USH1C: variants seen among roughly 807,000 people sequenced by gnomAD.
The protein encoded by USH1C is harmonin.
USH1C carries 90 observed loss-of-function variants against 119.3 expected under a neutral mutation model. The ratio of observed to expected loss-of-function variants is 0.75; its 90% CI spans 0.64 to 0.90. The LOEUF (loss-of-function observed/expected upper bound fraction) is 0.90. Among genes scored for constraint, USH1C ranks in the 40% least tolerant of loss-of-function variants. The probability of loss-of-function intolerance (pLI) is 0.00; values close to 1 mark genes in which losing one functional copy is unlikely to be tolerated. For synonymous variants in USH1C, 465 were observed against 443.3 expected (o/e 1.05, Z -0.62); for missense variants, 1,165 against 1,167.7 (o/e 1.00, Z 0.03).
Position 17,544,390 on chromosome 11 carries a change from G to C in USH1C, c.-83C>G. On this transcript the variant is annotated 5_prime_UTR_variant, in exon 1 of 27. Transcript: ENST00000005226. ...CCAGGAGCTGGAAAGAGCCGCGACC[G>C]CGACCGGGCCAGCCGCCCTCGGAGC... is the stretch of plus-strand genomic sequence containing the variant. The C allele has an allele frequency of 1.3e-6, 2 of 1,597,552 alleles. No individual in the cohort carries two copies. Among genetic ancestry groups the C allele is most frequent in the Admixed American group, 1.7e-5 (1 of 59,352 alleles).
intron 4 of USH1C, among the ~76,000 whole-genome samples, chr11:17,528,542 C>A (rs532335736): frequency 1.3e-5 from 2 of 152,182 alleles, no homozygotes; most frequent in African/African-American, 2.4e-5. Context: ...GGGCTTAACT[C>A]GAAACACACG....
intron 1 of USH1C, among the ~76,000 whole-genome samples, chr11:17,543,191 G>C (rs1851544050): frequency 6.6e-6 from 1 of 152,258 alleles, no homozygotes; most frequent in African/African-American, 2.4e-5. Flanking sequence ...ACACTGGCTA[G>C]CTCCTTGGGC....
chr11:17,511,318 C>T (rs555370195), intron 16 of USH1C, among the ~76,000 whole-genome samples: 1 of 140,096 alleles, frequency 7.1e-6, no homozygotes, highest in South Asian at 2.4e-4. Flanking sequence ...CCCATATTCT[C>T]AGAGCCAAGC....
intron 17 of USH1C, among the ~76,000 whole-genome samples, 174 bp downstream of exon 17, chr11:17,510,231 G>A (rs971272395): frequency 1.1e-4 from 17 of 152,144 alleles, no homozygotes; most frequent in African/African-American, 3.6e-4. Flanking sequence ...CAGAAATACA[G>A]ACATATCCCT....
At chr11:17,520,686 G>A (rs544505946) in intron 14 of USH1C, among the ~76,000 whole-genome samples, 184 bp downstream of exon 14, 33 of 152,318 alleles carry the variant, frequency 2.2e-4, no homozygotes, top group African/African-American at 7.9e-4. Context: ...AACAAGGGGA[G>A]CAGACAGATC....
chr11:17,495,271 C>A (rs1849205225), intron 26 of USH1C, among the ~76,000 whole-genome samples: 1 of 152,218 alleles, frequency 6.6e-6, no homozygotes, highest in Non-Finnish European at 1.5e-5. Context: ...AGGGCTTCAT[C>A]CTGCTCATTT....
chr11:17,534,933 TG>T (rs1380048730), intron 1 of USH1C, among the ~76,000 whole-genome samples: 1 of 146,776 alleles, frequency 6.8e-6, no homozygotes, highest in Middle Eastern at 3.4e-3. Flanking sequence ...TCTGCTTGAG[TG>T]GGTGGTACTA....
chr11:17,504,632 T>C lies in USH1C; in HGVS notation c.2184+15A>G, dbSNP rs1418272767. Reference sequence around the variant, plus strand: ...GGTGGGGAGACCTCCAGACACACAATGGGTATCAGTTTACTTGTCTGAATG... The same window carrying C: ...GGTGGGGAGACCTCCAGACACACAACGGGTATCAGTTTACTTGTCTGAATG... On this transcript the variant is annotated intron_variant, in intron 20 of 26. Transcript: ENST00000005226. 4 of 1,613,758 alleles carry C rather than the reference T, an allele frequency of 2.5e-6. No individual in the cohort carries two copies. Among genetic ancestry groups the C allele is most frequent in the Non-Finnish European group, 8.5e-7 (1 of 1,179,834 alleles).
chr11:17,495,764 T>C, intron 25 of USH1C, 87 bp from the exon 26 acceptor site: 1 of 1,430,416 alleles, frequency 7.0e-7, no homozygotes, highest in Non-Finnish European at 9.8e-7. Context: ...TTCACTGGGC[T>C]CCTGCCTCGG....
At chr11:17,508,256 C>T (rs753264206) in intron 18 of USH1C, among the ~76,000 whole-genome samples, 4 of 152,240 alleles carry the variant, frequency 2.6e-5, no homozygotes, top group Admixed American at 6.5e-5. Flanking sequence ...GCAGGGCTCA[C>T]GACCCCAACC....
At chr11:17,523,721 A>G (rs76681952) in intron 9 of USH1C, among the ~76,000 whole-genome samples, 57 of 152,314 alleles carry the variant, frequency 3.7e-4, no homozygotes, top group African/African-American at 1.0e-3. Flanking sequence ...ATACCATTAC[A>G]TGTTCATTTC....
At chr11:17,521,734 C>A (rs1432095996) in intron 12 of USH1C, among the ~76,000 whole-genome samples, 1 of 152,210 alleles carries the variant, frequency 6.6e-6, no homozygotes, top group Non-Finnish European at 1.5e-5. Context: ...GGACTGACCC[C>A]AGGAGCAAAG....
intron 4 of USH1C, among the ~76,000 whole-genome samples, chr11:17,527,841 T>A (rs920871364): frequency 6.6e-6 from 1 of 152,106 alleles, no homozygotes; most frequent in African/African-American, 2.4e-5. Context: ...CAAGCTCACA[T>A]CACCAACACA....
chr11:17,530,212 G>A (rs1850896519), intron 4 of USH1C, among the ~76,000 whole-genome samples: 1 of 152,180 alleles, frequency 6.6e-6, no homozygotes, highest in African/African-American at 2.4e-5. Flanking sequence ...GAAGCTCTTG[G>A]TGATGGTGGG....
In USH1C at chr11:17,535,638, C is replaced by A. The variant is rs534955642; in HGVS notation, c.37-2316G>T. On this transcript the variant is annotated intron_variant, in intron 1 of 26. Transcript: ENST00000005226. ...AGTATTGAATGAATTTATCTGCCTG[C>A]CTCCTGGTATGCCCACATGGTTCAG... Among the ~76,000 whole-genome samples the A allele has an allele frequency of 3.9e-5, 6 of 152,226 alleles. No individual in the cohort carries two copies. In the Middle Eastern group the frequency reaches 0.01, roughly 259 times the overall value.
rs1430732064 is a variant in USH1C at position 17,517,487 on chromosome 11, A to G, written c.1211-1197T>C. On this transcript the variant is annotated intron_variant, in intron 14 of 26. Coordinates refer to ENST00000005226, the MANE Select transcript of USH1C (RefSeq NM_153676.4). ...ACTCCCTGATCATCTACCCAGGGAA[A>G]AGAGGAGGAAGCTGGTGAACCAAAA... The G allele has an allele frequency of 4.4e-6, 7 of 1,581,166 alleles. No individual in the cohort carries two copies. The highest frequency in any genetic ancestry group is 4.3e-6 in the Non-Finnish European group (5 of 1,162,390).
At position 17,544,259 on chromosome 11, in the gene USH1C, C is replaced by T; in HGVS notation, c.36+13G>A. ...CGGAGTCCCAGAAGCCTGGGGCGCC[C>T]TGCAGCTCTGACCTTATGCCGGAAT... On this transcript the variant is annotated intron_variant, in intron 1 of 26. Transcript: ENST00000005226. The T allele has an allele frequency of 6.2e-7, 1 of 1,613,986 alleles. No homozygotes were observed. Among genetic ancestry groups the T allele is most frequent in the Non-Finnish European group, 8.5e-7 (1 of 1,179,994 alleles).
chr11:17,535,354 C>A lies in USH1C; in HGVS notation c.37-2032G>T, dbSNP rs143679278. 5.9e-5 allele frequency among the ~76,000 whole-genome samples: 9 copies of A among 152,056 alleles called. No homozygotes were observed. In the East Asian group the frequency reaches 9.8e-4, roughly 16 times the overall value. ...CTTGTTCCCTCTGCTTGGACTGCTT[C>A]CCCCACTTCCCTGCCTGGCCACCTC... On this transcript the variant is annotated intron_variant, in intron 1 of 26. Transcript: ENST00000005226.
chr11:17,526,309 C>T, intron 8 of USH1C, 38 bp downstream of exon 8: 2 of 1,571,310 alleles, frequency 1.3e-6, no homozygotes, highest in Non-Finnish European at 1.7e-6. Flanking sequence ...CTGGGGTGCA[C>T]TGGCCACGAA....
Sources: gnomAD v4.1 joint callset for allele counts (sites outside exome capture counted in the v4.1 genomes callset) on GRCh38, gnomAD v4.1.1 for gene constraint, MANE v1.5 for transcripts, NCBI Gene and HGNC (gene_info 2026-07-23, HGNC 2026-07-21) for gene names.